Variants in RWDD1 observed in about 807,000 individuals in gnomAD.
RWDD1 encodes the protein RWD domain-containing protein 1.
RWDD1 carries 17 observed loss-of-function variants against 31.6 expected under a neutral mutation model. The ratio of observed to expected loss-of-function variants is 0.54; its 90% CI spans 0.37 to 0.81. RWDD1 has a LOEUF of 0.81. RWDD1 is among the 30% of genes least tolerant of loss of function. The pLI, the probability that RWDD1 is intolerant of heterozygous loss-of-function variation, is 0.00. For missense variants in RWDD1, 204 were observed against 274.5 expected, an observed-to-expected ratio of 0.74 and a Z score of 1.82; for synonymous variants, 78 against 94.2, an observed-to-expected ratio of 0.83 and a Z score of 0.99.
Position 116,571,609 on chromosome 6 carries a change from C to G in RWDD1, c.27C>G (p.Arg9=), listed in dbSNP as rs1429907310. 6.2e-7 allele frequency: 1 copy of G among 1,613,738 alleles called. No homozygotes were observed. Among genetic ancestry groups the G allele is most frequent in the Non-Finnish European group, 8.5e-7 (1 of 1,179,922 alleles). Residue 9 remains arginine, a synonymous_variant, in exon 1 of 7, where the codon CGC becomes CGG. Transcript: ENST00000466444. MTDYGEEQ[R]NELEALESIY... Reference sequence around the variant, plus strand: ...TGACAGATTACGGCGAGGAGCAGCGCAACGAGCTGGAGGCCCTGGAGTCCA... The same window carrying G: ...TGACAGATTACGGCGAGGAGCAGCGGAACGAGCTGGAGGCCCTGGAGTCCA...
chr6:116,590,211 G>T (rs1775114761), intron 4 of RWDD1, 61 bp from the exon 5 acceptor site: 1 of 919,120 alleles, frequency 1.1e-6, no homozygotes, highest in Non-Finnish European at 1.7e-6. Flanking sequence ...AAAAGATACT[G>T]TTAGGATTTA....
intron 3 of RWDD1, among the ~76,000 whole-genome samples, chr6:116,586,692 A>G (rs1775045688): frequency 1.3e-5 from 2 of 152,220 alleles, no homozygotes; most frequent in African/African-American, 2.4e-5. Context: ...TGCCTTGCAC[A>G]TAATAGACAC....
intron 3 of RWDD1, among the ~76,000 whole-genome samples, chr6:116,585,783 C>T (rs905718077): frequency 2.0e-5 from 3 of 151,988 alleles, no homozygotes; most frequent in Admixed American, 1.3e-4. Context: ...CTAATTCTAA[C>T]ATCTTTTTTT....
At chr6:116,575,447 C>A (rs1404354837) in intron 1 of RWDD1, among the ~76,000 whole-genome samples, 1 of 152,164 alleles carries the variant, frequency 6.6e-6, no homozygotes, top group African/African-American at 2.4e-5. Flanking sequence ...GAAGACTAAT[C>A]TTTCTTCTAC....
rs539513385 is a variant in RWDD1, at chr6:116,574,724, T to C, written c.73+3069T>C. Among the ~76,000 whole-genome samples, 100 of 150,214 alleles carry C rather than the reference T, an allele frequency of 6.7e-4. 1 individual carries two copies. Among genetic ancestry groups the C allele is most frequent in the Non-Finnish European group, 1.3e-3 (90 of 67,386 alleles). ...TTCTTTCTTTCTTTTTTTCTTTCTC[T>C]CTCCTTCCTTCCTTCCTTCCACCTC... On this transcript the variant is annotated intron_variant, in intron 1 of 6. Transcript: ENST00000466444.
At chr6:116,577,954 C>T (rs1035577392) in intron 1 of RWDD1, among the ~76,000 whole-genome samples, 1 of 152,126 alleles carries the variant, frequency 6.6e-6, no homozygotes, top group Non-Finnish European at 1.5e-5. Flanking sequence ...ACCATTATGC[C>T]CTTGCTTCCA....
chr6:116,574,484 C>T lies in RWDD1; in HGVS notation c.73+2829C>T, dbSNP rs1261095827. Among the ~76,000 whole-genome samples the T allele has an allele frequency of 3.9e-5, 6 of 152,168 alleles. No individual in the cohort carries two copies. In the East Asian group the frequency reaches 1.2e-3, roughly 29 times the overall value. On this transcript the variant is annotated intron_variant, in intron 1 of 6. Coordinates refer to ENST00000466444, the MANE Select transcript of RWDD1 (RefSeq NM_015952.4). ...AGAGGTACTTATTTTAATATGGGCT[C>T]TCTCGTATTTTGTGGAAACTAAAGG...
rs1775219369 is a variant in RWDD1, at chr6:116,595,106, A to C, written c.*2005A>C. 1 of 152,246 alleles carries C rather than the reference A, an allele frequency of 6.6e-6. No homozygotes were observed. The highest frequency in any genetic ancestry group is 2.1e-4 in the South Asian group (1 of 4,836). 9.4% of individuals were successfully genotyped at this position (152,246 alleles called of 1,614,324 possible). A position where few individuals can be genotyped will look rare whatever the true frequency, so the allele number is the denominator to read the frequency against. ...TTTGAAGCTGATCAGCAGATACATA[A>C]GAACCTGGAAGAAGCTGCTCAATTA... On this transcript the variant is annotated 3_prime_UTR_variant, in exon 7 of 7. Transcript: ENST00000466444.
At chr6:116,591,621 G>A (rs1226748555) in intron 6 of RWDD1, among the ~76,000 whole-genome samples, 2 of 152,204 alleles carry the variant, frequency 1.3e-5, no homozygotes, top group Non-Finnish European at 2.9e-5. Flanking sequence ...TGATTGCACT[G>A]TCCTGGCCAC....
chr6:116,582,676 C>G (rs762823155), intron 2 of RWDD1, among the ~76,000 whole-genome samples: 1 of 151,852 alleles, frequency 6.6e-6, no homozygotes, highest in African/African-American at 2.4e-5. Context: ...TATTCATTTT[C>G]GTCTTCTCCC....
intron 1 of RWDD1, 59 bp downstream of exon 1, chr6:116,571,714 C>A: frequency 6.6e-7 from 1 of 1,514,920 alleles, no homozygotes; most frequent in Admixed American, 1.8e-5. Flanking sequence ...CGGGCAGGAG[C>A]TGCCGCAGCT....
Position 116,580,299 on chromosome 6 carries a change from A to T in RWDD1, c.78A>T (p.Leu26Phe), listed in dbSNP as rs762471864. 1 of 1,599,272 alleles carries T rather than the reference A, an allele frequency of 6.3e-7. No homozygotes were observed. The highest frequency in any genetic ancestry group is 1.7e-5 in the Admixed American group (1 of 59,274). Residue 26 changes from leucine (L) to phenylalanine (F), a missense_variant, in exon 2 of 7, where the codon TTA becomes TTT. Leu to Phe is a conservative substitution (Grantham distance 22, BLOSUM62 0). Coordinates refer to ENST00000466444, the MANE Select transcript of RWDD1 (RefSeq NM_015952.4). ...TCTGTGTGTATTTTCTTGCAGTATT[A>T]TCAGAAAATCCACCCAGCTTCACCA... ...ESIYPDSFTV[L>F]SENPPSFTIT...
At chr6:116,582,420 A>G (rs575919366) in intron 2 of RWDD1, among the ~76,000 whole-genome samples, 1 of 152,232 alleles carries the variant, frequency 6.6e-6, no homozygotes. Context: ...AGAAAAGAGG[A>G]AGAAACTAAT....
At position 116,572,675 on chromosome 6, in the gene RWDD1, A is replaced by G. The variant is rs144706445; in HGVS notation, c.73+1020A>G. Among the ~76,000 whole-genome samples the G allele has an allele frequency of 1.2e-4, 18 of 152,324 alleles. No homozygotes were observed. The South Asian group carries it at 1.2e-3, about 11-fold the overall frequency. On this transcript the variant is annotated intron_variant, in intron 1 of 6. Transcript: ENST00000466444. Reference sequence around the variant, plus strand: ...GTAGAACCTAGGTGTGTGCATTTACATTCCCCATCCTTTCCTTTGAGTGTT... The same window carrying G: ...GTAGAACCTAGGTGTGTGCATTTACGTTCCCCATCCTTTCCTTTGAGTGTT...
Position 116,597,355 on chromosome 6 carries a change from A to T in RWDD1, c.*4254A>T, listed in dbSNP as rs898154154. ...GTTCTTCCACCTTTTGGCTATTTCTACTACATATTTACTTATCATAAAAAA... is the reference window on the plus strand; with the variant it reads ...GTTCTTCCACCTTTTGGCTATTTCTTCTACATATTTACTTATCATAAAAAA... On this transcript the variant is annotated 3_prime_UTR_variant, in exon 7 of 7. Transcript: ENST00000466444. The T allele has an allele frequency of 6.6e-6, 1 of 152,204 alleles. No homozygotes were observed. The highest frequency in any genetic ancestry group is 1.5e-5 in the Non-Finnish European group (1 of 68,034). The allele number at this position is 152,204 out of a possible 1,614,324, so 9.4% of individuals were successfully genotyped here. A position where few individuals can be genotyped will look rare whatever the true frequency, so the allele number is the denominator to read the frequency against.
chr6:116,588,368 T>C (rs1008881882), intron 3 of RWDD1, among the ~76,000 whole-genome samples: 2 of 152,180 alleles, frequency 1.3e-5, no homozygotes, highest in Admixed American at 1.3e-4. Context: ...TATATCCTTT[T>C]CATGAGTTCG....
chr6:116,575,110 A>C (rs1294013296), intron 1 of RWDD1, among the ~76,000 whole-genome samples: 1 of 151,582 alleles, frequency 6.6e-6, no homozygotes, highest in Non-Finnish European at 1.5e-5. Context: ...TTTTTGAGAG[A>C]GAGTCTCCCT....
chr6:116,591,363 A>G (rs1775141473), intron 6 of RWDD1, among the ~76,000 whole-genome samples: 1 of 152,244 alleles, frequency 6.6e-6, no homozygotes, highest in Non-Finnish European at 1.5e-5. Flanking sequence ...CCAGCCTCTC[A>G]CAACTAGTAA....
At chr6:116,571,700 A>G (rs1774739116) in intron 1 of RWDD1, 45 bp downstream of exon 1, 1 of 1,565,708 alleles carries the variant, frequency 6.4e-7, no homozygotes, top group East Asian at 2.3e-5. Flanking sequence ...GAGGTGGAGT[A>G]GGACGGGCAG....
Sources: allele counts gnomAD v4.1 joint callset (sites outside exome capture counted in the v4.1 genomes callset), GRCh38; gene constraint gnomAD v4.1.1; transcripts MANE v1.5; gene names NCBI Gene and HGNC (gene_info 2026-07-23, HGNC 2026-07-21).